The following TDRD3 variants were observed in gnomAD, a reference collection of about 807,000 sequenced individuals.
TDRD3 encodes the protein tudor domain-containing protein 3.
In TDRD3, 45 loss-of-function variants were observed where a neutral mutation model predicts 86.7. The observed-to-expected ratio is 0.52, with a 90% CI of 0.41 to 0.67. The LOEUF is 0.67. TDRD3 is among the 30% of genes least tolerant of loss of function. The pLI is 0.00. For synonymous variants in TDRD3, 298 were observed against 301.7 expected (o/e 0.99, Z 0.13); for missense variants, 814 against 889.0 (o/e 0.92, Z 1.07).
chr13:60,517,065 T>G (rs1957188521), intron 10 of TDRD3, among the ~76,000 whole-genome samples: 1 of 152,238 alleles, frequency 6.6e-6, no homozygotes, highest in East Asian at 1.9e-4. Context: ...AATATATAGA[T>G]GTAAATAATC....
At chr13:60,407,922 C>T (rs1247391636) in intron 1 of TDRD3, among the ~76,000 whole-genome samples, 2 of 152,148 alleles carry the variant, frequency 1.3e-5, no homozygotes, top group South Asian at 2.1e-4. Flanking sequence ...TCATGGGGGT[C>T]GGTCTTTCCC....
intron 10 of TDRD3, 136 bp from the exon 11 acceptor site, chr13:60,528,231 A>G: frequency 1.0e-6 from 1 of 983,412 alleles, no homozygotes. Context: ...GGAGTAAGAT[A>G]ATGAGGTAGG....
intron 1 of TDRD3, among the ~76,000 whole-genome samples, chr13:60,438,011 A>G (rs187550579): frequency 3.2e-4 from 48 of 151,998 alleles, no homozygotes; most frequent in African/African-American, 7.5e-4. Context: ...TAACATTTTT[A>G]TAGTTATTTT....
At chr13:60,427,514 A>G (rs1301688401) in intron 1 of TDRD3, among the ~76,000 whole-genome samples, 1 of 152,048 alleles carries the variant, frequency 6.6e-6, no homozygotes, top group African/African-American at 2.4e-5. Flanking sequence ...TCGGCTTCGC[A>G]CGTGTCATTT....
chr13:60,469,113 A>G (rs1956018152), intron 5 of TDRD3, among the ~76,000 whole-genome samples: 1 of 152,152 alleles, frequency 6.6e-6, no homozygotes. Flanking sequence ...GTACTATGCA[A>G]TATAAAGTAA....
At chr13:60,571,939 T>C (rs1340789681) in intron 13 of TDRD3, among the ~76,000 whole-genome samples, 1 of 152,152 alleles carries the variant, frequency 6.6e-6, no homozygotes, top group Non-Finnish European at 1.5e-5. Flanking sequence ...TTAGGGGAGA[T>C]AGAGCCCAAA....
intron 12 of TDRD3, among the ~76,000 whole-genome samples, chr13:60,558,754 G>T (rs1407367291): frequency 2.7e-5 from 4 of 150,606 alleles, no homozygotes; most frequent in East Asian, 1.9e-4. Flanking sequence ...TGTTCTATTT[G>T]CCCTTTTTTC....
intron 6 of TDRD3, among the ~76,000 whole-genome samples, chr13:60,485,476 G>T (rs1956411424): frequency 6.6e-6 from 1 of 152,002 alleles, no homozygotes; most frequent in Non-Finnish European, 1.5e-5. Flanking sequence ...TTGTGCATTA[G>T]TCAAGATTGT....
intron 1 of TDRD3, among the ~76,000 whole-genome samples, chr13:60,432,915 A>G (rs1405270120): frequency 6.6e-6 from 1 of 152,146 alleles, no homozygotes; most frequent in African/African-American, 2.4e-5. Context: ...TCAGTGTGGT[A>G]GCAGATAATC....
At position 60,477,300 on chromosome 13, in the gene TDRD3, G is replaced by T. The variant is rs532897158; in HGVS notation, c.496-6475G>T. 5.1e-4 allele frequency among the ~76,000 whole-genome samples: 78 copies of T among 151,752 alleles called. 1 individual carries two copies. The South Asian group carries it at 9.2e-3, about 18-fold the overall frequency. ...CAGAATCATAGTTCAATACAACCTT[G>T]AACTCCTGGGTTCAAGGGATCCTCC... On this transcript the variant is annotated intron_variant, in intron 5 of 13. Transcript: ENST00000377881.
At chr13:60,450,989 C>G (rs1201643048) in intron 3 of TDRD3, among the ~76,000 whole-genome samples, 1 of 152,074 alleles carries the variant, frequency 6.6e-6, no homozygotes, top group Non-Finnish European at 1.5e-5. Flanking sequence ...TACACACACA[C>G]TATATTTAAT....
chr13:60,481,364 G>A (rs893945449), intron 5 of TDRD3, among the ~76,000 whole-genome samples: 5 of 69,332 alleles, frequency 7.2e-5, no homozygotes, highest in African/African-American at 3.1e-4. Flanking sequence ...TTTTTTTTTT[G>A]TATTATATCT....
At chr13:60,559,205 C>T (rs999651141) in intron 12 of TDRD3, among the ~76,000 whole-genome samples, 1 of 152,048 alleles carries the variant, frequency 6.6e-6, no homozygotes, top group Non-Finnish European at 1.5e-5. Flanking sequence ...CCTGATAAAC[C>T]TCTGAGGTCA....
At chr13:60,460,155 T>C (rs1955773331) in intron 3 of TDRD3, among the ~76,000 whole-genome samples, 1 of 147,174 alleles carries the variant, frequency 6.8e-6, no homozygotes, top group African/African-American at 2.4e-5. Context: ...TCAGAATTAT[T>C]AAAACAAAAT....
chr13:60,524,554 G>T (rs775502020), intron 10 of TDRD3, among the ~76,000 whole-genome samples: 1 of 151,480 alleles, frequency 6.6e-6, no homozygotes, highest in African/African-American at 2.4e-5. Context: ...AGAAAAGAAC[G>T]ATTGCCTCTC....
intron 1 of TDRD3, among the ~76,000 whole-genome samples, chr13:60,400,179 C>T (rs962538201): frequency 3.9e-5 from 6 of 152,130 alleles, no homozygotes; most frequent in African/African-American, 7.2e-5. Context: ...AATAACTTCA[C>T]GGGGAGAAGA....
intron 1 of TDRD3, among the ~76,000 whole-genome samples, chr13:60,397,728 C>G (rs915540311): frequency 2.6e-5 from 4 of 151,214 alleles, no homozygotes; most frequent in African/African-American, 7.2e-5. Context: ...CCGACCGGAG[C>G]GCCGGGGAGG....
chr13:60,424,242 G>A lies in TDRD3; in HGVS notation c.42-15446G>A, dbSNP rs187081033. On this transcript the variant is annotated intron_variant, in intron 1 of 13. Coordinates refer to ENST00000377881, the MANE Select transcript of TDRD3 (RefSeq NM_001146070.2). The stretch of plus-strand genomic sequence containing the variant: ...TTCACTGTGTTAGCCAGGATGGTCT[G>A]GATCTCCTGACCTCGTGATCCACCC... Among the ~76,000 whole-genome samples, 207 of 124,758 alleles carry A rather than the reference G, an allele frequency of 1.7e-3. 1 individual carries two copies. Among genetic ancestry groups the A allele is most frequent in the East Asian group, 0.01 (48 of 4,728 alleles). 81.8% of individuals were successfully genotyped at this position (124,758 alleles called of 152,430 possible). A position where few individuals can be genotyped will look rare whatever the true frequency, so the allele number is the denominator to read the frequency against.
chr13:60,534,131 C>CA (rs1179020531), intron 11 of TDRD3, among the ~76,000 whole-genome samples: 2 of 151,954 alleles, frequency 1.3e-5, no homozygotes, highest in African/African-American at 4.8e-5. Context: ...GGCAACCTAG[C>CA]AATACCCTGT....
Sources: gnomAD v4.1 joint callset for allele counts (sites outside exome capture counted in the v4.1 genomes callset) on GRCh38, gnomAD v4.1.1 for gene constraint, MANE v1.5 for transcripts, NCBI Gene and HGNC (gene_info 2026-07-23, HGNC 2026-07-21) for gene names.